PPRC1: variants seen among roughly 807,000 people sequenced by gnomAD.
PPRC1 encodes peroxisome proliferator-activated receptor gamma coactivator-related protein 1.
In PPRC1, 23 loss-of-function variants were observed where a neutral mutation model predicts 132.5. The ratio of observed to expected loss-of-function variants is 0.17; its 90% CI spans 0.12 to 0.25. The LOEUF is 0.25. Among genes scored for constraint, PPRC1 ranks in the 10% least tolerant of loss-of-function variants. The pLI, the probability that PPRC1 is intolerant of heterozygous loss-of-function variation, is 1.00. For missense variants in PPRC1, 2,006 were observed against 2,089.1 expected (o/e 0.96, Z 0.78); for synonymous variants, 872 against 833.5 (o/e 1.05, Z -0.80).
Position 102,146,785 on chromosome 10 carries a change from C to G in PPRC1, c.3793C>G (p.Pro1265Ala). ...KSTAQEGTLK[P>A]EGVTEAKHPA... Reference sequence around the variant, plus strand: ...CACCGCCCAGGAGGGAACCCTGAAGCCTGAAGGAGTTACGGAGGCCAAACA... The same window carrying G: ...CACCGCCCAGGAGGGAACCCTGAAGGCTGAAGGAGTTACGGAGGCCAAACA... Residue 1265 changes from proline (P) to alanine (A), a missense_variant, in exon 9 of 14, where the codon CCT (proline) becomes GCT (alanine). Physicochemically the swap from Pro to Ala is conservative, Grantham distance 27. Coordinates refer to ENST00000278070, the MANE Select transcript of PPRC1 (RefSeq NM_015062.5). 1 of 1,614,072 alleles carries G rather than the reference C, an allele frequency of 6.2e-7. No homozygotes were observed. The highest frequency in any genetic ancestry group is 8.5e-7 in the Non-Finnish European group (1 of 1,180,020).
rs749253493 is a variant in PPRC1 at position 102,140,534 on chromosome 10, A to G, written c.2026A>G (p.Asn676Asp). 6.2e-7 allele frequency: 1 copy of G among 1,613,954 alleles called. No individual in the cohort carries two copies. The highest frequency in any genetic ancestry group is 1.7e-5 in the Admixed American group (1 of 60,006). The change falls in exon 5 of 14, where the codon AAT becomes GAT. Residue 676 changes from asparagine to aspartate, a missense_variant. This residue lies in a region of PPRC1 where 1,914 missense variants were observed against 1,917.2 expected (regional missense o/e 1.00). Coordinates refer to ENST00000278070, the MANE Select transcript of PPRC1 (RefSeq NM_015062.5). ...TCTAGCACTGGTTGACCCTGTTCCT[A>G]ATGACCTGACTCCAGTTGACCCAGT... ...VDLALVDPVPNDLTPVDPVLV... is the reference protein window; with the variant it reads ...VDLALVDPVPDDLTPVDPVLV...
In PPRC1 at chr10:102,140,304, C is replaced by T; in HGVS notation, c.1796C>T (p.Pro599Leu). The T allele has an allele frequency of 1.2e-6, 2 of 1,614,184 alleles. No homozygotes were observed. Among genetic ancestry groups the T allele is most frequent in the Non-Finnish European group, 1.7e-6 (2 of 1,179,992 alleles). ...GAAGCTGATCCCACTGCAGTTGGCCCTGTTCTAGCTGGCCCTGTACCTGTT... is the reference window on the plus strand; with the variant it reads ...GAAGCTGATCCCACTGCAGTTGGCCTTGTTCTAGCTGGCCCTGTACCTGTT... Reference protein sequence around the residue: ...SVEADPTAVGPVLAGPVPVDP... With the variant: ...SVEADPTAVGLVLAGPVPVDP... The change falls in exon 5 of 14, where the codon CCT becomes CTT. Residue 599 changes from proline to leucine, a missense_variant. Pro to Leu is a moderately conservative substitution (Grantham distance 98). Transcript: ENST00000278070.
rs2068794527 is a variant in PPRC1 at position 102,138,140 on chromosome 10, C to A, written c.342+102C>A. 7.3e-6 allele frequency: 9 copies of A among 1,240,700 alleles called. No homozygotes were observed. In the South Asian group the frequency reaches 1.4e-4, roughly 20 times the overall value. 76.9% of individuals were successfully genotyped at this position (1,240,700 alleles called of 1,614,324 possible). On this transcript the variant is annotated intron_variant, in intron 2 of 13. Coordinates refer to ENST00000278070, the MANE Select transcript of PPRC1 (RefSeq NM_015062.5). ...CTCTGCTCTCCCAGGACCTTAGCTT[C>A]TTCCTGGGTGCCCAACCTGAATCCT...
At chr10:102,139,023 G>A in intron 4 of PPRC1, 43 bp downstream of exon 4, 1 of 1,603,424 alleles carries the variant, frequency 6.2e-7, no homozygotes, top group Non-Finnish European at 8.5e-7. Flanking sequence ...CAGGTGGGAG[G>A]AGGAGTGTGT....
the PPRC1 span, among the ~76,000 whole-genome samples, chr10:102,121,774 G>A: frequency 9.2e-5 from 14 of 152,132 alleles, no homozygotes. Context: ...GCCCTGACTG[G>A]GTAGGGGGTT....
In PPRC1 at chr10:102,133,141, G is replaced by T. The variant is rs945187350; in HGVS notation, c.73G>T (p.Gly25Trp). ...TGGGGGCCCCGGTCCGGACCCTGGC[G>T]GGGGAGCCCGCGGCAGTGGTTGGGG... is the stretch of plus-strand genomic sequence containing the variant. ...PSGGPGPDPG[G>W]GARGSGWGSR... Residue 25 changes from glycine to tryptophan, a missense_variant, in exon 1 of 14, where the codon GGG (glycine) becomes TGG (tryptophan). By Grantham distance (184) the Gly-to-Trp change is radical (BLOSUM62 -2). Around this residue, in one of 2 missense-constraint regions of PPRC1, gnomAD observed 1,914 missense variants for 1,917.2 expected, o/e 1.00. Coordinates refer to ENST00000278070, the MANE Select transcript of PPRC1 (RefSeq NM_015062.5). 1.2e-5 allele frequency: 15 copies of T among 1,255,054 alleles called. No homozygotes were observed. The African/African-American group carries it at 1.8e-4, about 15-fold the overall frequency. 77.7% of individuals were successfully genotyped at this position (1,255,054 alleles called of 1,614,324 possible).
chr10:102,132,066 A>G (rs2068552973), upstream of PPRC1, among the ~76,000 whole-genome samples: 1 of 152,238 alleles, frequency 6.6e-6, no homozygotes, highest in Non-Finnish European at 1.5e-5. Context: ...ATTGTTACAT[A>G]AAAAAAGCAA....
chr10:102,120,233 C>T, the PPRC1 span: 3 of 983,420 alleles, frequency 3.1e-6, no homozygotes, highest in East Asian at 2.3e-4. Context: ...CGGCCCGGCC[C>T]GGCCTCGGCC....
the PPRC1 span, among the ~76,000 whole-genome samples, chr10:102,124,153 C>T: frequency 6.6e-6 from 1 of 151,986 alleles, no homozygotes; most frequent in Admixed American, 6.6e-5. Context: ...GCAACCGCCG[C>T]CTCCCAGGTT....
At chr10:102,127,019 TC>T in the PPRC1 span, among the ~76,000 whole-genome samples, 1 of 78,880 alleles carries the variant, frequency 1.3e-5, no homozygotes, top group Non-Finnish European at 2.6e-5. Context: ...TGGTTTTTTA[TC>T]ATATATATAT....
chr10:102,149,450 G>A (rs2069416860), intron 13 of PPRC1, 121 bp downstream of exon 13: 1 of 1,224,950 alleles, frequency 8.2e-7, no homozygotes, highest in Admixed American at 3.2e-5. Context: ...GAACCCAAGG[G>A]GGCTGGGCAT....
At chr10:102,126,155 C>T in the PPRC1 span, among the ~76,000 whole-genome samples, 3 of 152,140 alleles carry the variant, frequency 2.0e-5, no homozygotes, top group African/African-American at 4.8e-5. Flanking sequence ...AGCCACCGCG[C>T]CCGGCTTGGC....
At chr10:102,122,683 A>G in the PPRC1 span, among the ~76,000 whole-genome samples, 1 of 152,022 alleles carries the variant, frequency 6.6e-6, no homozygotes, top group African/African-American at 2.4e-5. Flanking sequence ...GACCAACACA[A>G]TGGTGATCAT....
intron 13 of PPRC1, 100 bp from the exon 14 acceptor site, chr10:102,149,826 C>T: frequency 2.2e-6 from 2 of 890,158 alleles, no homozygotes; most frequent in Non-Finnish European, 3.7e-6. Flanking sequence ...GAGCAGTTTT[C>T]ACTCCATCCG....
Position 102,141,111 on chromosome 10 carries a change from C to T in PPRC1, c.2603C>T (p.Ala868Val), listed in dbSNP as rs1406399490. 3 of 1,614,106 alleles carry T rather than the reference C, an allele frequency of 1.9e-6. No individual in the cohort carries two copies. The highest frequency in any genetic ancestry group is 1.7e-4 in the Middle Eastern group (1 of 6,060). Residue 868 changes from alanine to valine, a missense_variant, in exon 5 of 14, where the codon GCT becomes GTT. By Grantham distance (64) the Ala-to-Val change is moderately conservative. Around this residue, in one of 2 missense-constraint regions of PPRC1, gnomAD observed 1,914 missense variants for 1,917.2 expected, o/e 1.00. Coordinates refer to ENST00000278070, the MANE Select transcript of PPRC1 (RefSeq NM_015062.5). The stretch of plus-strand genomic sequence containing the variant: ...CCTCCTGTGCAGTCTGTGTCCCCTG[C>T]TGTGCCCACACCTCCCTCGATGTCT... ...PSPPVQSVSP[A>V]VPTPPSMSAA...
chr10:102,141,912 T>A lies in PPRC1; in HGVS notation c.3404T>A (p.Val1135Asp), dbSNP rs374770611. The stretch of plus-strand genomic sequence containing the variant: ...AGCACTGTCCCCAAGCTGCCTGCTG[T>A]CCACCCAGCCCGTCTAAGGAAGCTG... ...RQSTVPKLPA[V>D]HPARLRKLSF... The change falls in exon 5 of 14, where the codon GTC becomes GAC. Residue 1135 changes from valine (V) to aspartate (D), a missense_variant. Around this residue, in one of 2 missense-constraint regions of PPRC1, gnomAD observed 1,914 missense variants for 1,917.2 expected, o/e 1.00. Transcript: ENST00000278070. 4 of 1,614,006 alleles carry A rather than the reference T, an allele frequency of 2.5e-6. No homozygotes were observed. In the African/African-American group the frequency reaches 4.0e-5, roughly 16 times the overall value.
chr10:102,127,093 G>A, the PPRC1 span, among the ~76,000 whole-genome samples: 2 of 132,150 alleles, frequency 1.5e-5, no homozygotes, highest in African/African-American at 5.5e-5. Flanking sequence ...TTGAGACAGA[G>A]GTCAGGCATG....
intron 6 of PPRC1, 62 bp downstream of exon 6, chr10:102,143,160 C>A: frequency 6.6e-7 from 1 of 1,506,044 alleles, no homozygotes; most frequent in Non-Finnish European, 9.2e-7. Context: ...TTGGGCCCAG[C>A]CCTGTAGTTG....
In PPRC1 at chr10:102,138,960, GGCA is replaced by G; in HGVS notation, c.576_578del (p.Ser193del). ...AGTTGACCCACTGGGGCCCAGTACA[GGCA>G]GCAGTAGAGGGAGTGGGGTAAGCCT... On this transcript the variant is annotated inframe_deletion, in exon 4 of 14. Transcript: ENST00000278070. 6.2e-7 allele frequency: 1 copy of G among 1,613,990 alleles called. No homozygotes were observed. The highest frequency in any genetic ancestry group is 8.5e-7 in the Non-Finnish European group (1 of 1,179,842).
Sources: allele counts gnomAD v4.1 joint callset (sites outside exome capture counted in the v4.1 genomes callset), GRCh38; gene constraint gnomAD v4.1.1; regional missense constraint gnomAD v4.1.1; transcripts MANE v1.5; gene names NCBI Gene and HGNC (gene_info 2026-07-23, HGNC 2026-07-21).